The following NUP210L variants were observed in gnomAD, a reference collection of about 807,000 sequenced individuals.
NUP210L encodes nuclear pore membrane glycoprotein 210-like.
In NUP210L, 74 loss-of-function variants were observed where a neutral mutation model predicts 208.5. The ratio of observed to expected loss-of-function variants is 0.35; its 90% CI spans 0.29 to 0.43. The LOEUF (loss-of-function observed/expected upper bound fraction) is 0.43, where lower values mean the gene tolerates loss of function less well. Ranked by LOEUF, NUP210L falls within the 20% of genes least tolerant of loss-of-function variation. The probability of loss-of-function intolerance (pLI) is 1.00; values close to 1 mark genes in which losing one functional copy is unlikely to be tolerated. For synonymous variants in NUP210L, 780 were observed against 816.9 expected (o/e 0.95, Z 0.77); for missense variants, 1,843 against 2,289.4 (o/e 0.81, Z 3.98).
chr1:154,047,477 G>T (rs962624075), intron 25 of NUP210L, among the ~76,000 whole-genome samples: 1 of 152,212 alleles, frequency 6.6e-6, no homozygotes, highest in Non-Finnish European at 1.5e-5. Context: ...GCTGAAGGTT[G>T]TGGGTTTACC....
chr1:154,042,443 T>C (rs1408910509), intron 27 of NUP210L, among the ~76,000 whole-genome samples: 1 of 149,172 alleles, frequency 6.7e-6, no homozygotes, highest in Non-Finnish European at 1.5e-5. Context: ...GTTGTTGTTG[T>C]TGAGACGGAG....
chr1:154,141,036 T>C (rs76240020), intron 4 of NUP210L, among the ~76,000 whole-genome samples: 10,385 of 151,438 alleles, frequency 0.069, 409 homozygotes, highest in South Asian at 0.16. Flanking sequence ...TATGAGCCTC[T>C]GGCTAAAATT....
At chr1:154,047,140 A>G (rs1653230440) in intron 25 of NUP210L, among the ~76,000 whole-genome samples, 1 of 152,190 alleles carries the variant, frequency 6.6e-6, no homozygotes, top group African/African-American at 2.4e-5. Flanking sequence ...GGGATGATTA[A>G]TGGGCAGAAA....
At chr1:154,127,549 G>A (rs566750118) in intron 8 of NUP210L, 132 bp from the exon 9 acceptor site, 3 of 334,426 alleles carry the variant, frequency 9.0e-6, no homozygotes, top group Non-Finnish European at 1.5e-5. Context: ...TTCCAAAGTA[G>A]GTTCTTTTTT....
chr1:153,993,155 C>A, intron 38 of NUP210L, 66 bp from the exon 39 acceptor site: 1 of 1,032,508 alleles, frequency 9.7e-7, no homozygotes, highest in South Asian at 1.5e-5. Flanking sequence ...AAAGTCAACT[C>A]TAGAATGAGA....
intron 12 of NUP210L, among the ~76,000 whole-genome samples, chr1:154,115,095 T>C (rs1657253234): frequency 6.6e-6 from 1 of 152,202 alleles, no homozygotes; most frequent in African/African-American, 2.4e-5. Flanking sequence ...TGCCTTCACT[T>C]TCTCCCTTCA....
intron 28 of NUP210L, among the ~76,000 whole-genome samples, chr1:154,028,341 C>T (rs762542613): frequency 2.6e-4 from 39 of 152,184 alleles, no homozygotes; most frequent in Non-Finnish European, 4.4e-4. Flanking sequence ...AATCCCAGCA[C>T]TTTGGGAGAC....
intron 10 of NUP210L, among the ~76,000 whole-genome samples, chr1:154,121,297 C>T (rs752142329): frequency 1.3e-5 from 2 of 152,078 alleles, no homozygotes; most frequent in Admixed American, 6.6e-5. Flanking sequence ...AATAGCAGTG[C>T]TCACTTTATT....
intron 10 of NUP210L, among the ~76,000 whole-genome samples, chr1:154,125,633 G>C (rs540693017): frequency 9.4e-4 from 1 of 1,068 alleles, no homozygotes; most frequent in African/African-American, 1.8e-3. Context: ...AAGGAAGGAA[G>C]GAAGGAAGGA....
intron 30 of NUP210L, among the ~76,000 whole-genome samples, chr1:154,024,930 T>G (rs866734675): frequency 1.4e-5 from 2 of 138,310 alleles, no homozygotes; most frequent in African/African-American, 5.6e-5. Flanking sequence ...CTGTTTTTTT[T>G]TTTTTTTTTT....
intron 29 of NUP210L, among the ~76,000 whole-genome samples, chr1:154,025,944 C>T (rs1178412846): frequency 2.0e-5 from 3 of 151,812 alleles, no homozygotes; most frequent in East Asian, 1.9e-4. Context: ...TTATTTAGGC[C>T]GGGTGTGGTG....
intron 35 of NUP210L, 44 bp from the exon 36 acceptor site, chr1:154,002,029 T>C: frequency 6.3e-7 from 1 of 1,587,108 alleles, no homozygotes; most frequent in Non-Finnish European, 8.6e-7. Context: ...GTTCAGAGGC[T>C]CTATTGAGCC....
intron 13 of NUP210L, among the ~76,000 whole-genome samples, chr1:154,101,380 G>A (rs1323727479): frequency 2.6e-5 from 4 of 152,126 alleles, no homozygotes; most frequent in African/African-American, 9.7e-5. Flanking sequence ...GGAGGCTGAG[G>A]CAGGGAGAAT....
At chr1:154,019,234 C>T (rs1289884566) in intron 32 of NUP210L, among the ~76,000 whole-genome samples, 165 bp from the exon 33 acceptor site, 3 of 152,268 alleles carry the variant, frequency 2.0e-5, no homozygotes, top group Admixed American at 6.6e-5. Flanking sequence ...GGTTCCTCTT[C>T]GTATATCATG....
At chr1:154,002,076 C>G in intron 35 of NUP210L, 91 bp from the exon 36 acceptor site, 9 of 1,284,068 alleles carry the variant, frequency 7.0e-6, no homozygotes, top group Non-Finnish European at 8.7e-6. Flanking sequence ...TTGTGACATG[C>G]AAATTCAGCA....
At position 154,116,471 on chromosome 1, in the gene NUP210L, G is replaced by A. The variant is rs1025653860; in HGVS notation, c.1620+1254C>T. 4.6e-5 allele frequency among the ~76,000 whole-genome samples: 7 copies of A among 150,954 alleles called. No individual in the cohort carries two copies. The South Asian group carries it at 8.3e-4, about 18-fold the overall frequency. ...GGGCTGGGTACAGTGGCTCACACCTGTAATCCTTGCACTTTGGAAGGCCAA... is the reference window on the plus strand; with the variant it reads ...GGGCTGGGTACAGTGGCTCACACCTATAATCCTTGCACTTTGGAAGGCCAA... On this transcript the variant is annotated intron_variant, in intron 12 of 39. Transcript: ENST00000368559.
chr1:154,119,269 T>C (rs886647795), intron 10 of NUP210L, among the ~76,000 whole-genome samples: 3 of 151,996 alleles, frequency 2.0e-5, no homozygotes, highest in South Asian at 4.1e-4. Context: ...CACTCATATA[T>C]AGAGGGCCAA....
chr1:154,039,140 G>T (rs1652719504), intron 27 of NUP210L, among the ~76,000 whole-genome samples: 1 of 151,640 alleles, frequency 6.6e-6, no homozygotes. Context: ...GCCCATTAAT[G>T]TCCTTTTCTT....
intron 15 of NUP210L, among the ~76,000 whole-genome samples, chr1:154,093,286 G>T (rs1571263895): frequency 6.6e-6 from 1 of 152,048 alleles, no homozygotes; most frequent in African/African-American, 2.4e-5. Context: ...AAATTAGCCG[G>T]GTGTGGTGGT....
Sources: gnomAD v4.1 joint callset for allele counts (sites outside exome capture counted in the v4.1 genomes callset) on GRCh38, gnomAD v4.1.1 for gene constraint, MANE v1.5 for transcripts, NCBI Gene and HGNC (gene_info 2026-07-23, HGNC 2026-07-21) for gene names.